The following SLC35A5 variants were observed in gnomAD, a reference collection of about 807,000 sequenced individuals.
SLC35A5 encodes the protein solute carrier family 35 member A5.
Under a neutral mutation model 36.3 loss-of-function variants are expected in SLC35A5, and 28 were observed. That is an observed-to-expected ratio of 0.77 (90% CI 0.57 to 1.06). The LOEUF is 1.06. Ranked by LOEUF, SLC35A5 falls within the 50% of genes least tolerant of loss-of-function variation. SLC35A5 has a pLI of 0.00. For synonymous variants in SLC35A5, 180 were observed against 173.7 expected (o/e 1.04, Z -0.29); for missense variants, 521 against 499.3 (o/e 1.04, Z -0.41).
chr3:112,576,182 C>A lies in SLC35A5; in HGVS notation c.428+2226C>A, dbSNP rs552348153. ...CTTGCTCTGTCGCCAGGCTGGAGTG[C>A]AGGGTTGCAATCTCAGCTCACTGCA... On this transcript the variant is annotated intron_variant, in intron 5 of 6. Coordinates refer to ENST00000492406, the MANE Select transcript of SLC35A5 (RefSeq NM_017945.5). Among the ~76,000 whole-genome samples the A allele has an allele frequency of 2.6e-5, 4 of 151,754 alleles. No individual in the cohort carries two copies. In the South Asian group the frequency reaches 6.2e-4, roughly 24 times the overall value.
rs1559865116 is a variant in SLC35A5 at position 112,581,323 on chromosome 3, T to C, written c.1206T>C (p.Ser402=). Residue 402 remains serine, a synonymous_variant, in exon 6 of 7, where the codon AGT becomes AGC. Coordinates refer to ENST00000492406, the MANE Select transcript of SLC35A5 (RefSeq NM_017945.5). ...GTGGCAATCTTTGGGAGCGTTCCAG[T>C]GGGGTAAGTTTGTGAGGGTGTTCCT... is the stretch of plus-strand genomic sequence containing the variant. ...DLSGNLWERS[S]GDGEELERLT... 6 of 1,591,994 alleles carry C rather than the reference T, an allele frequency of 3.8e-6. No homozygotes were observed. Among genetic ancestry groups the C allele is most frequent in the African/African-American group, 1.4e-5 (1 of 73,666 alleles).
intron 2 of SLC35A5, among the ~76,000 whole-genome samples, chr3:112,565,546 G>A (rs1275457697): frequency 6.6e-6 from 1 of 152,218 alleles, no homozygotes; most frequent in African/African-American, 2.4e-5. Flanking sequence ...AGGAGGCCAA[G>A]GCCGGCGGAT....
intron 6 of SLC35A5, among the ~76,000 whole-genome samples, chr3:112,582,137 C>A (rs1934956107): frequency 6.6e-6 from 1 of 152,114 alleles, no homozygotes; most frequent in African/African-American, 2.4e-5. Flanking sequence ...ATACAGTGAA[C>A]ATTTCACTCT....
At chr3:112,562,895 A>G (rs936739572) in intron 1 of SLC35A5, among the ~76,000 whole-genome samples, 2 of 151,892 alleles carry the variant, frequency 1.3e-5, no homozygotes, top group African/African-American at 2.4e-5. Context: ...CCCCGTCTCT[A>G]CTAAAAATAC....
intron 2 of SLC35A5, among the ~76,000 whole-genome samples, chr3:112,568,140 A>G (rs1478803650): frequency 6.6e-6 from 1 of 152,204 alleles, no homozygotes; most frequent in African/African-American, 2.4e-5. Flanking sequence ...TTCCAATGAG[A>G]CAAGTAGGGC....
intron 5 of SLC35A5, 56 bp from the exon 6 acceptor site, chr3:112,580,490 A>T: frequency 6.7e-7 from 1 of 1,503,076 alleles, no homozygotes; most frequent in Non-Finnish European, 8.9e-7. Context: ...TTTCAGTAGA[A>T]ACTATTGATA....
intron 5 of SLC35A5, 28 bp downstream of exon 5, chr3:112,573,984 T>C: frequency 1.3e-6 from 2 of 1,572,972 alleles, no homozygotes; most frequent in Non-Finnish European, 1.7e-6. Flanking sequence ...AAAACATATA[T>C]CATACTTTAA....
intron 6 of SLC35A5, 126 bp downstream of exon 6, chr3:112,581,452 C>CTT: frequency 1.0e-6 from 1 of 975,946 alleles, no homozygotes; most frequent in Non-Finnish European, 1.5e-6. Flanking sequence ...CTTTTAAAAC[C>CTT]GAATCAACAA....
intron 4 of SLC35A5, among the ~76,000 whole-genome samples, chr3:112,571,151 A>G (rs2107427908): frequency 6.6e-6 from 1 of 152,318 alleles, no homozygotes. Flanking sequence ...TTTAACCAAC[A>G]AATTCTTCAA....
At chr3:112,567,721 G>A (rs932692175) in intron 2 of SLC35A5, among the ~76,000 whole-genome samples, 1 of 152,246 alleles carries the variant, frequency 6.6e-6, no homozygotes, top group Admixed American at 6.5e-5. Context: ...GTGGGCAGGA[G>A]ATGTGTGGAG....
At chr3:112,577,793 G>A (rs1337856391) in intron 5 of SLC35A5, among the ~76,000 whole-genome samples, 1 of 152,182 alleles carries the variant, frequency 6.6e-6, no homozygotes, top group Non-Finnish European at 1.5e-5. Flanking sequence ...AGTAGTACAA[G>A]CATTTCTCCA....
intron 2 of SLC35A5, 146 bp downstream of exon 2, chr3:112,563,679 A>T: frequency 1.1e-6 from 1 of 893,914 alleles, no homozygotes; most frequent in East Asian, 3.1e-5. Flanking sequence ...TTGATTATTT[A>T]ACCTTGCATT....
chr3:112,573,740 G>A (rs868453011), intron 4 of SLC35A5, 149 bp from the exon 5 acceptor site: 4 of 656,490 alleles, frequency 6.1e-6, no homozygotes, highest in Middle Eastern at 2.6e-4. Flanking sequence ...GACAAAACTG[G>A]AATTTAATCC....
chr3:112,574,384 C>T lies in SLC35A5; in HGVS notation c.428+428C>T, dbSNP rs945024058. Among the ~76,000 whole-genome samples, 6 of 146,714 alleles carry T rather than the reference C, an allele frequency of 4.1e-5. No homozygotes were observed. In the South Asian group the frequency reaches 6.3e-4, roughly 15 times the overall value. On this transcript the variant is annotated intron_variant, in intron 5 of 6. Transcript: ENST00000492406. ...TTTATTAAACTATTTGAGATGAGGA[C>T]GTGATTTAAGCACTAATTAGCAGAG...
chr3:112,580,705 A>G lies in SLC35A5; in HGVS notation c.588A>G (p.Arg196=), dbSNP rs1934869381. 6.2e-7 allele frequency: 1 copy of G among 1,614,028 alleles called. No homozygotes were observed. Among genetic ancestry groups the G allele is most frequent in the African/African-American group, 1.3e-5 (1 of 74,930 alleles). ...CTTCCAATTCCTGCCTTCTTTTCAG[A>G]AGTGAGTGTCCCAGAAAAGACAATT... The part of the protein sequence containing the change: ...FSPSNSCLLF[R]SECPRKDNCT... The change falls in exon 6 of 7, where the codon AGA becomes AGG. Residue 196 remains arginine, a synonymous_variant. Transcript: ENST00000492406.
chr3:112,564,768 C>T lies in SLC35A5; in HGVS notation c.130+1235C>T, dbSNP rs558776983. On this transcript the variant is annotated intron_variant, in intron 2 of 6. Transcript: ENST00000492406. ...GCGGCTTTCCACAGTGTTTTGTGTC[C>T]CTGCGTACTTGAGATTAGGGAGTGG... is the stretch of plus-strand genomic sequence containing the variant. Among the ~76,000 whole-genome samples the T allele has an allele frequency of 4.1e-4, 63 of 152,264 alleles. 1 individual carries two copies. Among genetic ancestry groups the T allele is most frequent in the Admixed American group, 1.7e-3 (26 of 15,300 alleles).
chr3:112,579,722 C>T (rs1211278361), intron 5 of SLC35A5, among the ~76,000 whole-genome samples: 1 of 152,164 alleles, frequency 6.6e-6, no homozygotes, highest in African/African-American at 2.4e-5. Context: ...TCACTTTTCA[C>T]ACATACTGAA....
intron 2 of SLC35A5, 29 bp downstream of exon 2, chr3:112,563,562 G>A: frequency 1.3e-6 from 2 of 1,544,486 alleles, no homozygotes; most frequent in South Asian, 1.2e-5. Context: ...TATGCATGGA[G>A]CACTTCCATC....
chr3:112,581,746 T>C (rs970892958), intron 6 of SLC35A5, among the ~76,000 whole-genome samples: 1 of 152,146 alleles, frequency 6.6e-6, no homozygotes, highest in Non-Finnish European at 1.5e-5. Flanking sequence ...AATAAGCTCA[T>C]TTGTGAGAGA....
Sources: allele counts gnomAD v4.1 joint callset (sites outside exome capture counted in the v4.1 genomes callset), GRCh38; gene constraint gnomAD v4.1.1; transcripts MANE v1.5; gene names NCBI Gene and HGNC (gene_info 2026-07-23, HGNC 2026-07-21).